POLDIP3: variants seen among roughly 807,000 people sequenced by gnomAD.
The protein encoded by POLDIP3 is DNA polymerase delta interacting protein 3, also known as polymerase delta-interacting protein 3.
In POLDIP3, 14 loss-of-function variants were observed where a neutral mutation model predicts 45.1. That is an observed-to-expected ratio of 0.31 (90% confidence interval 0.20 to 0.49). The LOEUF is 0.49. Among genes scored for constraint, POLDIP3 ranks in the 20% least tolerant of loss-of-function variants. The probability of loss-of-function intolerance (pLI) is 0.99; values close to 1 mark genes in which losing one functional copy is unlikely to be tolerated. For missense variants in POLDIP3, 511 were observed against 538.8 expected (o/e 0.95, Z 0.51); for synonymous variants, 223 against 205.2 (o/e 1.09, Z -0.74).
At chr22:42,611,621 C>G (rs982056797) in intron 1 of POLDIP3, among the ~76,000 whole-genome samples, 1 of 152,256 alleles carries the variant, frequency 6.6e-6, no homozygotes, top group Admixed American at 6.5e-5. Context: ...TGGCCAGGCA[C>G]GGTGGCACTT....
intron 1 of POLDIP3, among the ~76,000 whole-genome samples, chr22:42,612,098 T>C (rs137111): frequency 0.25 from 37,469 of 152,012 alleles, 5,423 homozygotes; most frequent in East Asian, 0.69. Context: ...CCTGCACTCT[T>C]TGCCCCAATC....
Position 42,598,357 on chromosome 22 carries a change from T to A in POLDIP3, c.633+1341A>T, listed in dbSNP as rs1926131972. 2.0e-5 allele frequency among the ~76,000 whole-genome samples: 3 copies of A among 151,292 alleles called. No homozygotes were observed. In the South Asian group the frequency reaches 6.3e-4, roughly 32 times the overall value. On this transcript the variant is annotated intron_variant, in intron 4 of 8. Transcript: ENST00000252115. ...GCTCCACCTCCTGGGTTCGTGCCAT[T>A]CTCCTGCCTCAGCCTCTAGAGTAGC...
At chr22:42,606,657 T>G (rs1484470050) in intron 1 of POLDIP3, among the ~76,000 whole-genome samples, 12 of 152,160 alleles carry the variant, frequency 7.9e-5, no homozygotes, top group Non-Finnish European at 1.5e-5. Flanking sequence ...AAGGACAGAA[T>G]CTCATTCTGC....
Position 42,587,240 on chromosome 22 carries a change from C to T in POLDIP3, c.1088+266G>A, listed in dbSNP as rs186228674. On this transcript the variant is annotated intron_variant, in intron 8 of 8. Coordinates refer to ENST00000252115, the MANE Select transcript of POLDIP3 (RefSeq NM_032311.5). ...CACAGCTAGGAGACCCAAGCAGCCT[C>T]CCCCTCCAACTTCCACTCAGATATT... 9.2e-5 allele frequency among the ~76,000 whole-genome samples: 14 copies of T among 152,292 alleles called. No individual in the cohort carries two copies. In the East Asian group the frequency reaches 2.1e-3, roughly 23 times the overall value.
intron 1 of POLDIP3, among the ~76,000 whole-genome samples, chr22:42,611,772 G>C (rs1229246727): frequency 6.6e-6 from 1 of 152,180 alleles, no homozygotes; most frequent in African/African-American, 2.4e-5. Context: ...AGCTACTTGG[G>C]AGGCTGAGGC....
At chr22:42,614,002 C>T (rs1339832755) in intron 1 of POLDIP3, among the ~76,000 whole-genome samples, 2 of 152,176 alleles carry the variant, frequency 1.3e-5, no homozygotes, top group East Asian at 3.8e-4. Context: ...AAATCACCTC[C>T]ATGGCTCCTC....
At chr22:42,613,002 A>C (rs989014466) in intron 1 of POLDIP3, among the ~76,000 whole-genome samples, 1 of 152,098 alleles carries the variant, frequency 6.6e-6, no homozygotes, top group African/African-American at 2.4e-5. Flanking sequence ...ATCCACACAT[A>C]ACCACCCCCC....
chr22:42,596,152 A>G, intron 5 of POLDIP3, 34 bp downstream of exon 5: 1 of 1,608,118 alleles, frequency 6.2e-7, no homozygotes, highest in Non-Finnish European at 8.5e-7. Context: ...AGCCCTCCTG[A>G]CCCCAACTGC....
chr22:42,606,590 T>C (rs1201006324), intron 1 of POLDIP3, among the ~76,000 whole-genome samples: 2 of 152,192 alleles, frequency 1.3e-5, no homozygotes, highest in Non-Finnish European at 1.5e-5. Context: ...GATACTGTCC[T>C]CCAGGCTGGA....
intron 4 of POLDIP3, among the ~76,000 whole-genome samples, 185 bp from the exon 5 acceptor site, chr22:42,596,550 G>C (rs145465947): frequency 6.6e-6 from 1 of 152,096 alleles, no homozygotes; most frequent in East Asian, 1.9e-4. Flanking sequence ...AGGGGCAGGG[G>C]GAGAGAAAAA....
chr22:42,607,246 G>C (rs954569823), intron 1 of POLDIP3, among the ~76,000 whole-genome samples: 7 of 152,212 alleles, frequency 4.6e-5, no homozygotes, highest in African/African-American at 1.4e-4. Context: ...CGAGTGCCTG[G>C]GATTGCAGGC....
At chr22:42,607,985 C>T (rs994501250) in intron 1 of POLDIP3, among the ~76,000 whole-genome samples, 1 of 148,184 alleles carries the variant, frequency 6.7e-6, no homozygotes, top group Non-Finnish European at 1.5e-5. Context: ...AGGTGGGGGG[C>T]GCCTCCACCC....
chr22:42,587,535 A>T lies in POLDIP3; in HGVS notation c.1059T>A (p.Asn353Lys). 2 of 1,614,170 alleles carry T rather than the reference A, an allele frequency of 1.2e-6. No individual in the cohort carries two copies. Among genetic ancestry groups the T allele is most frequent in the Non-Finnish European group, 1.7e-6 (2 of 1,179,992 alleles). ...GGATGGGCTGGTCTGAGGTGATAACATTCCCATTCATGTGAAGGTTGCACT... is the reference window on the plus strand; with the variant it reads ...GGATGGGCTGGTCTGAGGTGATAACTTTCCCATTCATGTGAAGGTTGCACT... The part of the protein sequence containing the change: ...PMKCNLHMNG[N>K]VITSDQPILL... Residue 353 changes from asparagine (N) to lysine (K), a missense_variant, in exon 8 of 9, where the codon AAT becomes AAA. Around this residue, in one of 4 missense-constraint regions of POLDIP3, gnomAD observed 66 missense variants for 118.1 expected, o/e 0.56. Coordinates refer to ENST00000252115, the MANE Select transcript of POLDIP3 (RefSeq NM_032311.5).
chr22:42,609,920 C>A (rs1927017068), intron 1 of POLDIP3, among the ~76,000 whole-genome samples: 1 of 152,110 alleles, frequency 6.6e-6, no homozygotes. Context: ...GCCTGTAATC[C>A]CAAGCACTTT....
intron 3 of POLDIP3, 106 bp downstream of exon 3, chr22:42,601,864 A>C (rs1926400350): frequency 7.5e-7 from 1 of 1,340,516 alleles, no homozygotes; most frequent in Non-Finnish European, 1.0e-6. Context: ...CAACTGAGCA[A>C]GCCTCAGTCC....
intron 1 of POLDIP3, chr22:42,603,470 G>A: frequency 3.4e-6 from 1 of 292,418 alleles, no homozygotes; most frequent in Non-Finnish European, 6.4e-6. Flanking sequence ...TCCCAACAAT[G>A]CCAGTCAAAT....
chr22:42,612,616 A>G (rs1222153311), intron 1 of POLDIP3, among the ~76,000 whole-genome samples: 1 of 152,164 alleles, frequency 6.6e-6, no homozygotes, highest in Non-Finnish European at 1.5e-5. Flanking sequence ...GCCTGAGGTG[A>G]GGAGTTCGAG....
At chr22:42,608,474 A>G (rs976498020) in intron 1 of POLDIP3, among the ~76,000 whole-genome samples, 11 of 152,114 alleles carry the variant, frequency 7.2e-5, no homozygotes, top group Non-Finnish European at 1.5e-4. Flanking sequence ...CAAAACAAAA[A>G]GAAACAATCT....
At chr22:42,606,749 C>T (rs544803748) in intron 1 of POLDIP3, among the ~76,000 whole-genome samples, 2 of 152,234 alleles carry the variant, frequency 1.3e-5, no homozygotes, top group East Asian at 3.9e-4. Context: ...AGCCACCATG[C>T]CCAGCTTTAG....
Sources: gnomAD v4.1 joint callset for allele counts (sites outside exome capture counted in the v4.1 genomes callset) on GRCh38, gnomAD v4.1.1 for gene constraint, gnomAD v4.1.1 regional missense constraint, MANE v1.5 for transcripts, NCBI Gene and HGNC (gene_info 2026-07-23, HGNC 2026-07-21) for gene names.